Variants in SCOC observed in about 807,000 individuals in gnomAD.
The protein encoded by SCOC is short coiled coil protein.
A neutral mutation model predicts 9.9 loss-of-function variants in SCOC; 7 were observed. The ratio of observed to expected loss-of-function variants is 0.71; its 90% confidence interval spans 0.40 to 1.33. SCOC has a LOEUF of 1.33. SCOC is among the 40% of genes most tolerant of loss of function. The pLI, the probability that SCOC is intolerant of heterozygous loss-of-function variation, is 0.01. For missense variants in SCOC, 66 were observed against 89.7 expected (o/e 0.74, Z 1.07); for synonymous variants, 19 against 28.2 (o/e 0.67, Z 1.03).
intron 1 of SCOC, among the ~76,000 whole-genome samples, chr4:140,327,256 T>C (rs1346587619): frequency 2.0e-5 from 3 of 152,312 alleles, no homozygotes; most frequent in East Asian, 1.9e-4. Context: ...TGTGATTATG[T>C]GGGAAGGCTC....
intron 1 of SCOC, among the ~76,000 whole-genome samples, chr4:140,335,440 G>A (rs1280140461): frequency 6.6e-6 from 1 of 152,208 alleles, no homozygotes; most frequent in Non-Finnish European, 1.5e-5. Flanking sequence ...TATATATAAT[G>A]AAAATAAAGT....
chr4:140,261,412 T>G (rs116534175), intron 1 of SCOC, among the ~76,000 whole-genome samples: 1,843 of 152,310 alleles, frequency 0.012, 33 homozygotes, highest in African/African-American at 0.042. Context: ...TGACCAGCAC[T>G]CTGTAAGGCA....
intron 1 of SCOC, among the ~76,000 whole-genome samples, chr4:140,333,092 C>G (rs1732866386): frequency 6.6e-6 from 1 of 152,206 alleles, no homozygotes; most frequent in Non-Finnish European, 1.5e-5. Flanking sequence ...CATGCCAAAC[C>G]TGTTCATGCC....
intron 1 of SCOC, among the ~76,000 whole-genome samples, chr4:140,274,963 G>A (rs1008302545): frequency 6.6e-6 from 1 of 152,158 alleles, no homozygotes; most frequent in Admixed American, 6.5e-5. Flanking sequence ...GATCTTTGGT[G>A]ATGCTGGTAC....
chr4:140,266,676 C>T (rs17005658), intron 1 of SCOC, among the ~76,000 whole-genome samples: 8,906 of 152,062 alleles, frequency 0.059, 590 homozygotes, highest in East Asian at 0.28. Context: ...GTGTTAGAGT[C>T]TAGACTGACA....
At chr4:140,283,781 TCA>T (rs1560681498) in intron 1 of SCOC, 1 of 152,210 alleles carries the variant, frequency 6.6e-6, no homozygotes, top group Non-Finnish European at 1.5e-5. Context: ...ATGTAGTAAT[TCA>T]CAGTCTCAAG....
chr4:140,374,397 C>T (rs1464503942), intron 1 of SCOC: 1 of 313,704 alleles, frequency 3.2e-6, no homozygotes, highest in African/African-American at 2.3e-5. Flanking sequence ...GTTGCCAACA[C>T]GTTTTCTATG....
chr4:140,325,968 A>G (rs895141202), intron 1 of SCOC, among the ~76,000 whole-genome samples: 1 of 152,220 alleles, frequency 6.6e-6, no homozygotes, highest in Non-Finnish European at 1.5e-5. Context: ...GAACTGTGAT[A>G]TATCCGTACA....
At chr4:140,339,857 T>G (rs966737798), upstream of SCOC, among the ~76,000 whole-genome samples, 8 of 152,212 alleles carry the variant, frequency 5.3e-5, no homozygotes, top group African/African-American at 1.9e-4. Flanking sequence ...TTGGTGGGAC[T>G]GCAAACTAGT....
chr4:140,348,315 C>G (rs1726829433), intron 2 of SCOC, among the ~76,000 whole-genome samples: 1 of 152,286 alleles, frequency 6.6e-6, no homozygotes, highest in East Asian at 1.9e-4. Flanking sequence ...GCAATATCCT[C>G]ACCCTCCAAC....
intron 2 of SCOC, among the ~76,000 whole-genome samples, chr4:140,349,283 T>C (rs561088553): frequency 2.0e-5 from 3 of 152,296 alleles, no homozygotes; most frequent in East Asian, 1.9e-4. Context: ...ACTATTGTCA[T>C]GGAGGGACAG....
chr4:140,267,111 C>T lies in SCOC; in HGVS notation c.-19+9701C>T, dbSNP rs1054452107. On this transcript the variant is annotated intron_variant, in intron 1 of 4. Transcript: ENST00000394205. Reference sequence around the variant, plus strand: ...TATTTGATACCAAACCCAGACCACACCCACTAGAGCTGGAGTTCAGCTTAC... The same window carrying T: ...TATTTGATACCAAACCCAGACCACATCCACTAGAGCTGGAGTTCAGCTTAC... 4.6e-5 allele frequency among the ~76,000 whole-genome samples: 7 copies of T among 152,164 alleles called. No individual in the cohort carries two copies. The South Asian group carries it at 1.4e-3, about 31-fold the overall frequency.
chr4:140,294,357 C>T (rs1030772983), intron 1 of SCOC, among the ~76,000 whole-genome samples: 11 of 152,178 alleles, frequency 7.2e-5, no homozygotes, highest in Admixed American at 2.6e-4. Flanking sequence ...CCGGATGCCA[C>T]TGTGGAAATT....
At chr4:140,365,735 C>T (rs1260709144) in intron 2 of SCOC, among the ~76,000 whole-genome samples, 2 of 152,128 alleles carry the variant, frequency 1.3e-5, no homozygotes, top group East Asian at 1.9e-4. Flanking sequence ...GACCCACTTC[C>T]ACGTAATGTA....
chr4:140,324,109 C>T (rs191485316), intron 1 of SCOC, among the ~76,000 whole-genome samples: 108 of 152,190 alleles, frequency 7.1e-4, no homozygotes, highest in African/African-American at 2.5e-3. Flanking sequence ...ATATTATATA[C>T]ATTCATCTCA....
chr4:140,322,914 G>A (rs947977186), intron 1 of SCOC, among the ~76,000 whole-genome samples: 17 of 152,046 alleles, frequency 1.1e-4, no homozygotes, highest in South Asian at 4.2e-4. Flanking sequence ...TTTAGAGGCC[G>A]CCATGCCCAC....
intron 2 of SCOC, among the ~76,000 whole-genome samples, chr4:140,351,765 C>T (rs1054189857): frequency 6.6e-6 from 1 of 151,996 alleles, no homozygotes; most frequent in Non-Finnish European, 1.5e-5. Flanking sequence ...AGTTAGCACT[C>T]TAAGTAAAAG....
Position 140,373,839 on chromosome 4 carries a change from G to C in SCOC, c.-51+122G>C. The C allele has an allele frequency of 2.7e-6, 3 of 1,108,842 alleles. No individual in the cohort carries two copies. The South Asian group carries it at 4.0e-5, about 15-fold the overall frequency. 68.7% of individuals were successfully genotyped at this position (1,108,842 alleles called of 1,614,324 possible). On this transcript the variant is annotated intron_variant, in intron 1 of 3. Coordinates refer to ENST00000608372, the MANE Select transcript of SCOC (RefSeq NM_001153484.2). ...GCGGCCCTGCGCACCGGGGGCCCGGGAGGAGCGGTCTCGGGCCTGGGCATT... is the reference window on the plus strand; with the variant it reads ...GCGGCCCTGCGCACCGGGGGCCCGGCAGGAGCGGTCTCGGGCCTGGGCATT...
intron 1 of SCOC, among the ~76,000 whole-genome samples, chr4:140,329,105 T>C (rs1176812801): frequency 6.6e-6 from 1 of 152,158 alleles, no homozygotes; most frequent in Non-Finnish European, 1.5e-5. Context: ...AATACGCACA[T>C]AGACCAGAGG....
Sources: allele counts gnomAD v4.1 joint callset (sites outside exome capture counted in the v4.1 genomes callset), GRCh38; gene constraint gnomAD v4.1.1; transcripts MANE v1.5; gene names NCBI Gene and HGNC (gene_info 2026-07-23, HGNC 2026-07-21).